CRACD: variants seen among roughly 807,000 people sequenced by gnomAD.
CRACD encodes capping protein-inhibiting regulator of actin dynamics.
In CRACD, 56 loss-of-function variants were observed where a neutral mutation model predicts 106.8. That is an observed-to-expected ratio of 0.52 (90% CI 0.42 to 0.66). The LOEUF (loss-of-function observed/expected upper bound fraction) is 0.66. CRACD is among the 30% of genes least tolerant of loss of function. The pLI, the probability that CRACD is intolerant of heterozygous loss-of-function variation, is 0.00. For missense variants in CRACD, 1,730 were observed against 1,623.2 expected, an observed-to-expected ratio of 1.07 and a Z score of -1.13; for synonymous variants, 754 against 670.8, an observed-to-expected ratio of 1.12 and a Z score of -1.92.
chr4:56,078,382 T>C (rs566651949), intron 1 of CRACD, among the ~76,000 whole-genome samples: 8 of 152,266 alleles, frequency 5.3e-5, no homozygotes, highest in African/African-American at 1.9e-4. Context: ...AAGGAAAAAG[T>C]ACAGAACAGG....
chr4:56,276,235 G>C (rs1379756477), intron 3 of CRACD, among the ~76,000 whole-genome samples: 1 of 152,098 alleles, frequency 6.6e-6, no homozygotes, highest in Non-Finnish European at 1.5e-5. Context: ...GTTCCCAAAG[G>C]CGTGTTAAAA....
chr4:56,286,740 T>A (rs1743384825), intron 3 of CRACD, among the ~76,000 whole-genome samples: 1 of 152,150 alleles, frequency 6.6e-6, no homozygotes. Flanking sequence ...CATCTTACTG[T>A]GTGTTCAAGA....
At chr4:56,323,653 CTGGGCTGG>C in intron 9 of CRACD, 86 bp downstream of exon 9, 7 of 1,304,350 alleles carry the variant, frequency 5.4e-6, no homozygotes, top group Non-Finnish European at 7.2e-6. Context: ...AAAAGGCTAG[CTGGGCTGG>C]TGGAAAGTAC....
chr4:56,255,463 A>G (rs1239749097), intron 2 of CRACD, among the ~76,000 whole-genome samples: 1 of 149,868 alleles, frequency 6.7e-6, no homozygotes, highest in Non-Finnish European at 1.5e-5. Flanking sequence ...AGAGTACCAA[A>G]TGGAGACACT....
intron 2 of CRACD, among the ~76,000 whole-genome samples, chr4:56,268,636 G>A (rs915156615): frequency 6.6e-6 from 1 of 152,164 alleles, no homozygotes; most frequent in Non-Finnish European, 1.5e-5. Flanking sequence ...ATCAGGCACT[G>A]TTTACATATT....
intron 1 of CRACD, among the ~76,000 whole-genome samples, chr4:56,050,605 C>T (rs1366126230): frequency 1.3e-5 from 2 of 152,034 alleles, no homozygotes; most frequent in Non-Finnish European, 2.9e-5. Context: ...CTACTGTCTC[C>T]TTTATCCTTT....
chr4:56,296,708 C>G (rs768617048), intron 3 of CRACD, among the ~76,000 whole-genome samples: 2 of 152,182 alleles, frequency 1.3e-5, no homozygotes, highest in Non-Finnish European at 2.9e-5. Flanking sequence ...TCTCTCTCCC[C>G]TCCAAGTGCT....
chr4:56,324,326 C>G (rs1746297402), intron 10 of CRACD, 60 bp downstream of exon 10: 2 of 1,509,786 alleles, frequency 1.3e-6, no homozygotes, highest in Non-Finnish European at 1.8e-6. Flanking sequence ...GTAGAGCGTG[C>G]TTTATATCCT....
intron 1 of CRACD, among the ~76,000 whole-genome samples, chr4:56,149,243 C>T (rs1735504417): frequency 6.6e-6 from 1 of 152,188 alleles, no homozygotes; most frequent in African/African-American, 2.4e-5. Flanking sequence ...CTCCCCCATC[C>T]TCCTGCTAGG....
chr4:56,183,477 C>A (rs1736942314), intron 2 of CRACD, among the ~76,000 whole-genome samples: 1 of 152,142 alleles, frequency 6.6e-6, no homozygotes, highest in Non-Finnish European at 1.5e-5. Context: ...AAGGCTACAC[C>A]AAAACAGAGC....
rs5858372 is a variant in CRACD, at chr4:56,296,920, G to GTTTT, written c.-16-1282_-16-1279dup. Among the ~76,000 whole-genome samples, 308 of 131,618 alleles carry GTTTT rather than the reference G, an allele frequency of 2.3e-3. 2 individuals are homozygous for GTTTT. Among genetic ancestry groups the GTTTT allele is most frequent in the African/African-American group, 8.5e-3 (294 of 34,568 alleles). 86.3% of individuals were successfully genotyped at this position (131,618 alleles called of 152,430 possible). ...TTTGTGCATTTCTTTTTTTTTGTTTGTTTTTTTTTTTTTTTGAGACTGAGT... is the reference window on the plus strand; with the variant it reads ...TTTGTGCATTTCTTTTTTTTTGTTTGTTTTTTTTTTTTTTTTTTTGAGACTGAGT... On this transcript the variant is annotated intron_variant, in intron 3 of 10. Coordinates refer to ENST00000682029, the MANE Select transcript of CRACD (RefSeq NM_001393381.1).
At chr4:56,265,666 C>T (rs1741977277) in intron 2 of CRACD, among the ~76,000 whole-genome samples, 1 of 152,122 alleles carries the variant, frequency 6.6e-6, no homozygotes, top group South Asian at 2.1e-4. Flanking sequence ...ATATTAAAGA[C>T]TCTGAAAGGT....
At chr4:56,281,808 G>T (rs1175879300) in intron 3 of CRACD, among the ~76,000 whole-genome samples, 2 of 152,136 alleles carry the variant, frequency 1.3e-5, no homozygotes, top group Non-Finnish European at 2.9e-5. Context: ...AAGATCGTTT[G>T]TCTTAGGTGG....
At chr4:56,114,643 C>A (rs1441649601) in intron 1 of CRACD, among the ~76,000 whole-genome samples, 2 of 151,850 alleles carry the variant, frequency 1.3e-5, no homozygotes, top group Non-Finnish European at 2.9e-5. Context: ...GGGCAGGACT[C>A]ATTAGAGGTG....
At chr4:56,096,853 T>A (rs145029891) in intron 1 of CRACD, among the ~76,000 whole-genome samples, 245 of 152,296 alleles carry the variant, frequency 1.6e-3, no homozygotes, top group African/African-American at 5.6e-3. Flanking sequence ...GAAAACTTTT[T>A]TGAGTTTTAC....
intron 1 of CRACD, among the ~76,000 whole-genome samples, chr4:56,120,492 C>G (rs1734448051): frequency 6.6e-6 from 1 of 152,170 alleles, no homozygotes; most frequent in Non-Finnish European, 1.5e-5. Context: ...AAATAGTTAT[C>G]TATTATGACG....
chr4:56,115,831 C>T (rs1440521603), intron 1 of CRACD, among the ~76,000 whole-genome samples: 3 of 152,164 alleles, frequency 2.0e-5, no homozygotes, highest in Non-Finnish European at 2.9e-5. Flanking sequence ...GTAGCTAGAA[C>T]GACCAGTGTT....
intron 1 of CRACD, among the ~76,000 whole-genome samples, chr4:56,091,577 T>A (rs1315998265): frequency 6.6e-6 from 1 of 152,128 alleles, no homozygotes; most frequent in Non-Finnish European, 1.5e-5. Context: ...GCCTGCTATG[T>A]TTCAGGGGCT....
intron 1 of CRACD, among the ~76,000 whole-genome samples, chr4:56,071,671 G>T (rs1732652934): frequency 6.6e-6 from 1 of 151,806 alleles, no homozygotes; most frequent in Non-Finnish European, 1.5e-5. Flanking sequence ...CACCACGTCC[G>T]GCTAATTTTT....
Sources: allele counts gnomAD v4.1 joint callset (sites outside exome capture counted in the v4.1 genomes callset), GRCh38; gene constraint gnomAD v4.1.1; transcripts MANE v1.5; gene names NCBI Gene and HGNC (gene_info 2026-07-23, HGNC 2026-07-21).